Variants in MAD1L1 observed in about 807,000 individuals in gnomAD.
MAD1L1 encodes mitotic spindle assembly checkpoint protein MAD1.
In MAD1L1, 95 loss-of-function variants were observed where a neutral mutation model predicts 96.9. That is an observed-to-expected ratio of 0.98 (90% CI 0.83 to 1.16). The LOEUF (loss-of-function observed/expected upper bound fraction) is 1.16. MAD1L1 is among the 50% of genes most tolerant of loss of function. MAD1L1 has a pLI of 0.00. For missense variants in MAD1L1, 1,007 were observed against 954.4 expected, an observed-to-expected ratio of 1.06 and a Z score of -0.73; for synonymous variants, 473 against 396.6, an observed-to-expected ratio of 1.19 and a Z score of -2.29.
chr7:1,970,873 C>T (rs934072340), intron 15 of MAD1L1, among the ~76,000 whole-genome samples: 19 of 152,142 alleles, frequency 1.2e-4, no homozygotes, highest in Admixed American at 7.2e-4. Flanking sequence ...ATAATGTAGC[C>T]TCTATGACCT....
chr7:2,053,054 G>C (rs1029847940), intron 12 of MAD1L1, among the ~76,000 whole-genome samples: 2 of 152,308 alleles, frequency 1.3e-5, no homozygotes, highest in African/African-American at 4.8e-5. Flanking sequence ...TCCCTGCCCT[G>C]GCACCTGCTC....
intron 11 of MAD1L1, among the ~76,000 whole-genome samples, chr7:2,080,957 A>G (rs142709335): frequency 2.8e-4 from 42 of 152,010 alleles, no homozygotes; most frequent in African/African-American, 1.0e-3. Context: ...TCTTGGCCTC[A>G]TTAACCCTCA....
At chr7:2,144,286 A>G (rs1789185476) in intron 11 of MAD1L1, among the ~76,000 whole-genome samples, 1 of 152,224 alleles carries the variant, frequency 6.6e-6, no homozygotes, top group African/African-American at 2.4e-5. Flanking sequence ...GTGAGGGCAG[A>G]TGCGAGACAA....
At chr7:2,066,978 T>G (rs1418114815) in intron 12 of MAD1L1, among the ~76,000 whole-genome samples, 1 of 152,224 alleles carries the variant, frequency 6.6e-6, no homozygotes, top group East Asian at 1.9e-4. Flanking sequence ...CGGGCGGGGC[T>G]GCCCTCCTGT....
intron 16 of MAD1L1, among the ~76,000 whole-genome samples, chr7:1,949,813 G>A (rs541365413): frequency 3.6e-4 from 55 of 152,344 alleles, no homozygotes; most frequent in African/African-American, 1.3e-3. Flanking sequence ...CTGGCACCCC[G>A]TGCGGGGCAC....
chr7:1,977,403 C>T (rs1583974834), intron 15 of MAD1L1, among the ~76,000 whole-genome samples: 1 of 152,372 alleles, frequency 6.6e-6, no homozygotes, highest in East Asian at 1.9e-4. Context: ...TGGCCAGCTG[C>T]TCGGAGTGTG....
intron 18 of MAD1L1, among the ~76,000 whole-genome samples, chr7:1,892,967 G>T (rs1786641744): frequency 6.6e-6 from 1 of 152,232 alleles, no homozygotes; most frequent in African/African-American, 2.4e-5. Context: ...TTTGAGAAGA[G>T]GGGAAAAGGG....
chr7:2,020,295 GA>G (rs1329286736), intron 12 of MAD1L1, among the ~76,000 whole-genome samples: 1 of 152,192 alleles, frequency 6.6e-6, no homozygotes, highest in Non-Finnish European at 1.5e-5. Context: ...CCGGAAGGAG[GA>G]ACTCACGAGG....
At chr7:1,819,307 C>T (rs977947981) in intron 18 of MAD1L1, among the ~76,000 whole-genome samples, 5 of 152,222 alleles carry the variant, frequency 3.3e-5, no homozygotes, top group Non-Finnish European at 1.5e-5. Flanking sequence ...TCTCCCTCTG[C>T]CTGGCCGGCC....
In MAD1L1 at chr7:2,060,520, G is replaced by A. The variant is rs111778235; in HGVS notation, c.1218+8674C>T. ...CCGAGACCGAGATAACGCTAATGTC[G>A]AGATACGCTAATGCCAAGATAAGCT... On this transcript the variant is annotated intron_variant, in intron 12 of 18. Transcript: ENST00000265854. 9.4e-3 allele frequency among the ~76,000 whole-genome samples: 1,423 copies of A among 152,154 alleles called. 28 individuals carry two copies. The highest frequency in any genetic ancestry group is 0.032 in the African/African-American group (1,338 of 41,456).
intron 12 of MAD1L1, among the ~76,000 whole-genome samples, chr7:2,053,896 C>T (rs1457075552): frequency 2.0e-5 from 3 of 152,254 alleles, no homozygotes; most frequent in South Asian, 2.1e-4. Context: ...ACCCTCAACA[C>T]GGAGACCCGA....
At chr7:1,828,240 C>T (rs542920207) in intron 18 of MAD1L1, among the ~76,000 whole-genome samples, 10 of 152,268 alleles carry the variant, frequency 6.6e-5, no homozygotes, top group African/African-American at 2.2e-4. Flanking sequence ...CAACAGTTTT[C>T]AGTCAGGAAG....
intron 18 of MAD1L1, among the ~76,000 whole-genome samples, chr7:1,827,729 G>GTGGGGGCCTCCCTTCCTGAGCC (rs1562432195): frequency 7.2e-5 from 2 of 27,760 alleles, no homozygotes; most frequent in African/African-American, 7.4e-4. Context: ...CCTGAGCCCT[G>GTGGGGGCCTCCCTTCCTGAGCC]CGTGGCTGTG....
chr7:2,077,474 C>T (rs1224996581), intron 11 of MAD1L1, among the ~76,000 whole-genome samples: 1 of 152,188 alleles, frequency 6.6e-6, no homozygotes, highest in Admixed American at 6.5e-5. Flanking sequence ...TTGAGCACCC[C>T]CATAGGGCTG....
At chr7:2,028,218 G>C (rs781618480) in intron 12 of MAD1L1, among the ~76,000 whole-genome samples, 9 of 152,094 alleles carry the variant, frequency 5.9e-5, no homozygotes, top group Non-Finnish European at 1.3e-4. Flanking sequence ...GAGGTCAGGA[G>C]ATCGAGACCA....
In MAD1L1 at chr7:1,904,564, G is replaced by A. The variant is rs544806857; in HGVS notation, c.1808-6174C>T. Reference sequence around the variant, plus strand: ...TGTTCCAGGCAGCGAGGACGCAGTGGCCTACGGAAGACGCTCTTGCAGAAT... The same window carrying A: ...TGTTCCAGGCAGCGAGGACGCAGTGACCTACGGAAGACGCTCTTGCAGAAT... On this transcript the variant is annotated intron_variant, in intron 17 of 18. Coordinates refer to ENST00000265854, the MANE Select transcript of MAD1L1 (RefSeq NM_001013836.2). Among the ~76,000 whole-genome samples, 2 of 129,414 alleles carry A rather than the reference G, an allele frequency of 1.5e-5. 1 individual carries two copies. Among genetic ancestry groups the A allele is most frequent in the East Asian group, 4.3e-4 (2 of 4,630 alleles). The allele number at this position is 129,414 out of a possible 152,430, so 84.9% of individuals were successfully genotyped here. A position where few individuals can be genotyped will look rare whatever the true frequency, so the allele number is the denominator to read the frequency against.
chr7:1,817,990 CCCTCCCCCTGT>C (rs1469385570), intron 18 of MAD1L1, among the ~76,000 whole-genome samples: 2 of 149,138 alleles, frequency 1.3e-5, no homozygotes, highest in Non-Finnish European at 3.0e-5. Flanking sequence ...CCTCCCCCTG[CCCTCCCCCTGT>C]TTCTGCTGCC....
intron 11 of MAD1L1, 135 bp from the exon 12 acceptor site, chr7:2,069,473 T>A: frequency 1.3e-6 from 1 of 799,016 alleles, no homozygotes; most frequent in African/African-American, 1.8e-5. Flanking sequence ...CACTGCCATT[T>A]CCGCACTGCT....
intron 18 of MAD1L1, among the ~76,000 whole-genome samples, chr7:1,853,897 A>G (rs1264953903): frequency 6.6e-6 from 1 of 152,192 alleles, no homozygotes; most frequent in Non-Finnish European, 1.5e-5. Context: ...CGGCCCTGTT[A>G]TCAGAAAGTC....
Sources: gnomAD v4.1 joint callset for allele counts (sites outside exome capture counted in the v4.1 genomes callset) on GRCh38, gnomAD v4.1.1 for gene constraint, MANE v1.5 for transcripts, NCBI Gene and HGNC (gene_info 2026-07-23, HGNC 2026-07-21) for gene names.